AHI1: variants seen among roughly 807,000 people sequenced by gnomAD.
The protein encoded by AHI1 is Abelson helper integration site 1, also known as jouberin.
In AHI1, 123 loss-of-function variants were observed where a neutral mutation model predicts 149.3. That is an observed-to-expected ratio of 0.82 (90% CI 0.71 to 0.96). The LOEUF is 0.96. Ranked by LOEUF, AHI1 falls within the 40% of genes least tolerant of loss-of-function variation. The probability of loss-of-function intolerance (pLI) is 0.00; values close to 1 mark genes in which losing one functional copy is unlikely to be tolerated. For synonymous variants in AHI1, 475 were observed against 459.8 expected, an observed-to-expected ratio of 1.03 and a Z score of -0.42; for missense variants, 1,439 against 1,422.7, an observed-to-expected ratio of 1.01 and a Z score of -0.18.
chr6:135,398,149 G>A (rs1779517545), intron 22 of AHI1, among the ~76,000 whole-genome samples: 1 of 144,702 alleles, frequency 6.9e-6, no homozygotes, highest in Non-Finnish European at 1.5e-5. Context: ...GAAAACTTGA[G>A]CCAAAGTGAG....
chr6:135,420,316 C>A (rs1460605259), intron 20 of AHI1, among the ~76,000 whole-genome samples: 7 of 152,172 alleles, frequency 4.6e-5, no homozygotes, highest in African/African-American at 1.7e-4. Context: ...TCTATGTCAG[C>A]TATGGACTTA....
chr6:135,433,029 T>TCAGTATCAAA lies in AHI1; in HGVS notation c.2254_2263dup (p.Glu755ValfsTer2). ...TTCATTCATAGTCTCTGACATACCT[T>TCAGTATCAAA]CAGTATCAAAACAAAGTGAGTTGAT... On this transcript the variant is annotated stop_gained and frameshift_variant, in exon 16 of 29. Coordinates refer to ENST00000265602, the MANE Select transcript of AHI1 (RefSeq NM_001134831.2). LOFTEE classifies it high-confidence loss of function. The TCAGTATCAAA allele has an allele frequency of 6.2e-7, 1 of 1,605,324 alleles. No individual in the cohort carries two copies. The highest frequency in any genetic ancestry group is 8.5e-7 in the Non-Finnish European group (1 of 1,172,172).
intron 14 of AHI1, among the ~76,000 whole-genome samples, chr6:135,441,845 C>T (rs2128044503): frequency 6.6e-6 from 1 of 152,024 alleles, no homozygotes; most frequent in East Asian, 1.9e-4. Flanking sequence ...GGAGCAATAT[C>T]TACTTAATAA....
chr6:135,416,031 G>T (rs918215950), intron 20 of AHI1, among the ~76,000 whole-genome samples: 1 of 152,046 alleles, frequency 6.6e-6, no homozygotes, highest in African/African-American at 2.4e-5. Context: ...AACTTTTGGG[G>T]ATGAAATATG....
At chr6:135,290,129 T>C (rs1161804229) in intron 28 of AHI1, among the ~76,000 whole-genome samples, 1 of 152,200 alleles carries the variant, frequency 6.6e-6, no homozygotes, top group Non-Finnish European at 1.5e-5. Flanking sequence ...TGTTTTCCAC[T>C]AGTTACTGCC....
intron 22 of AHI1, among the ~76,000 whole-genome samples, chr6:135,401,789 T>G (rs1168598469): frequency 1.3e-5 from 2 of 152,158 alleles, no homozygotes; most frequent in African/African-American, 4.8e-5. Context: ...GAAAATGGTT[T>G]TTTATTACAA....
At chr6:135,313,820 T>C (rs1214413193) in intron 26 of AHI1, among the ~76,000 whole-genome samples, 1 of 152,186 alleles carries the variant, frequency 6.6e-6, no homozygotes, top group Non-Finnish European at 1.5e-5. Context: ...GAGTTCTTTA[T>C]GTTTCCTCTG....
chr6:135,332,526 T>G (rs1264677928), intron 24 of AHI1, among the ~76,000 whole-genome samples: 2 of 152,346 alleles, frequency 1.3e-5, no homozygotes, highest in East Asian at 3.9e-4. Context: ...GCTCCTGAAC[T>G]AGGCCCCAAC....
chr6:135,386,439 T>A (rs1777596982), intron 23 of AHI1, among the ~76,000 whole-genome samples: 1 of 151,870 alleles, frequency 6.6e-6, no homozygotes, highest in South Asian at 2.1e-4. Context: ...GCCTCCCAAG[T>A]AGCTGGGACT....
chr6:135,420,571 G>A (rs1783005405), intron 20 of AHI1, among the ~76,000 whole-genome samples: 2 of 152,090 alleles, frequency 1.3e-5, no homozygotes, highest in Admixed American at 1.3e-4. Flanking sequence ...TAATGTTATG[G>A]AGACGGTTAC....
At chr6:135,493,774 G>A (rs928702781) in intron 3 of AHI1, among the ~76,000 whole-genome samples, 2 of 152,082 alleles carry the variant, frequency 1.3e-5, no homozygotes, top group Non-Finnish European at 2.9e-5. Context: ...TGGGCGCCGT[G>A]GCTCATGTCT....
Position 135,440,053 on chromosome 6 carries a change from G to C in AHI1, c.1913-1555C>G, listed in dbSNP as rs114355236. Among the ~76,000 whole-genome samples the C allele has an allele frequency of 1.4e-3, 216 of 152,204 alleles. 1 individual carries two copies. Among genetic ancestry groups the C allele is most frequent in the African/African-American group, 4.5e-3 (185 of 41,534 alleles). Reference sequence around the variant, plus strand: ...ATTTGGTAAGAACATTGAGCTTTACGGTGTTTTAACTTGCTATGTTCTCAT... The same window carrying C: ...ATTTGGTAAGAACATTGAGCTTTACCGTGTTTTAACTTGCTATGTTCTCAT... On this transcript the variant is annotated intron_variant, in intron 14 of 28. Transcript: ENST00000265602.
intron 13 of AHI1, 24 bp from the exon 14 acceptor site, chr6:135,442,738 T>C (rs1222418934): frequency 2.5e-6 from 4 of 1,574,874 alleles, no homozygotes; most frequent in Admixed American, 1.8e-5. Context: ...GTTTAAAAAA[T>C]ATAAATTAGC....
intron 5 of AHI1, among the ~76,000 whole-genome samples, chr6:135,468,265 A>T (rs1303183067): frequency 6.6e-6 from 1 of 152,164 alleles, no homozygotes; most frequent in East Asian, 1.9e-4. Context: ...TAGAAGCAAT[A>T]TTTAATTTAA....
In AHI1 at chr6:135,471,562, T is replaced by A. The variant is rs193065694; in HGVS notation, c.136-3928A>T. 3.4e-4 allele frequency among the ~76,000 whole-genome samples: 52 copies of A among 151,670 alleles called. No homozygotes were observed. In the East Asian group the frequency reaches 0.01, roughly 29 times the overall value. ...AAGTCTCCTTTGTGGAATTCAGCAG[T>A]TTCATGGATCAAATTATGTTTGAAT... On this transcript the variant is annotated intron_variant, in intron 5 of 28. Transcript: ENST00000265602.
chr6:135,317,520 G>A (rs1199734771), intron 26 of AHI1, among the ~76,000 whole-genome samples: 1 of 150,094 alleles, frequency 6.7e-6, no homozygotes, highest in African/African-American at 2.5e-5. Flanking sequence ...ACTCCCCCAG[G>A]GTATATTTAA....
At chr6:135,335,456 A>C (rs1789233402) in intron 24 of AHI1, among the ~76,000 whole-genome samples, 1 of 152,020 alleles carries the variant, frequency 6.6e-6, no homozygotes. Context: ...TAAAAAAAAA[A>C]ACCACTCTCA....
At chr6:135,435,340 A>C (rs1785241569) in intron 15 of AHI1, 1 of 152,218 alleles carries the variant, frequency 6.6e-6, no homozygotes, top group Non-Finnish European at 1.5e-5. Flanking sequence ...CAGAAACCCA[A>C]GATAGCTTCA....
intron 5 of AHI1, among the ~76,000 whole-genome samples, chr6:135,470,626 T>C (rs1295702225): frequency 6.6e-6 from 1 of 151,982 alleles, no homozygotes; most frequent in African/African-American, 2.4e-5. Context: ...CAATGAATAC[T>C]AGGCAGCCAT....
Sources: gnomAD v4.1 joint callset for allele counts (sites outside exome capture counted in the v4.1 genomes callset) on GRCh38, gnomAD v4.1.1 for gene constraint, MANE v1.5 for transcripts, NCBI Gene and HGNC (gene_info 2026-07-23, HGNC 2026-07-21) for gene names.